The following USP50 variants were observed in gnomAD, a reference collection of about 807,000 sequenced individuals.
USP50 encodes ubiquitin specific peptidase 50, also known as ubiquitin carboxyl-terminal hydrolase 50.
In USP50, 37 loss-of-function variants were observed where a neutral mutation model predicts 39.2. The observed-to-expected ratio is 0.94, with a 90% CI of 0.73 to 1.24. USP50 has a LOEUF of 1.24. Among genes scored for constraint, USP50 ranks in the 50% most tolerant of loss-of-function variants. The pLI is 0.00. For missense variants in USP50, 374 were observed against 398.2 expected (o/e 0.94, Z 0.52); for synonymous variants, 139 against 144.5 (o/e 0.96, Z 0.27).
At chr15:50,496,823 A>G, downstream of USP50, 1 of 298,074 alleles carries the variant, frequency 3.4e-6, no homozygotes, top group Non-Finnish European at 6.1e-6. Flanking sequence ...CATTTCCTCC[A>G]ACAGGGTTTC....
At chr15:50,497,697 C>CCTATAATAGAAGGAATAATGA (rs1390027680), downstream of USP50, 2 of 152,098 alleles carry the variant, frequency 1.3e-5, no homozygotes, top group Admixed American at 1.3e-4. Context: ...AAGATCTAGT[C>CCTATAATAGAAGGAATAATGA]CTATAATAGA....
chr15:50,542,613 C>T (rs369125902), intron 3 of USP50, among the ~76,000 whole-genome samples: 3 of 151,554 alleles, frequency 2.0e-5, no homozygotes, highest in East Asian at 1.9e-4. Context: ...CTCAGCCACC[C>T]GAGTAGCTGG....
chr15:50,508,172 T>C (rs2052689679), intron 6 of USP50: 1 of 137,884 alleles, frequency 7.3e-6, no homozygotes, highest in Non-Finnish European at 1.6e-5. Flanking sequence ...CCACAAAAAA[T>C]CAATACTTTT....
intron 6 of USP50, among the ~76,000 whole-genome samples, chr15:50,522,357 G>A (rs1199437064): frequency 6.6e-6 from 1 of 152,152 alleles, no homozygotes; most frequent in African/African-American, 2.4e-5. Flanking sequence ...CCCAGGAGAA[G>A]GTTGCAGAAT....
chr15:50,521,474 C>T (rs939227453), intron 6 of USP50, among the ~76,000 whole-genome samples: 1 of 152,150 alleles, frequency 6.6e-6, no homozygotes, highest in Non-Finnish European at 1.5e-5. Flanking sequence ...TCTAACATTA[C>T]ATCCCAAGGC....
chr15:50,525,470 G>A (rs12914077), intron 6 of USP50, among the ~76,000 whole-genome samples: 99 of 76,302 alleles, frequency 1.3e-3, no homozygotes, highest in East Asian at 3.4e-3. Context: ...CATTTTGTGT[G>A]TGTGTGTGTG....
intron 6 of USP50, chr15:50,511,635 A>C (rs1049942377): frequency 2.0e-5 from 3 of 152,256 alleles, no homozygotes; most frequent in Non-Finnish European, 4.4e-5. Context: ...ATGAAACTTG[A>C]AAACATTATG....
chr15:50,541,829 TATTA>T (rs2053032080), intron 3 of USP50, among the ~76,000 whole-genome samples: 1 of 152,062 alleles, frequency 6.6e-6, no homozygotes, highest in Non-Finnish European at 1.5e-5. Context: ...AAAGGTAAAA[TATTA>T]AGAAATCCAA....
intron 4 of USP50, 118 bp from the exon 5 acceptor site, chr15:50,538,969 G>T: frequency 8.9e-7 from 1 of 1,117,792 alleles, no homozygotes; most frequent in Non-Finnish European, 1.2e-6. Flanking sequence ...TTTTCTCAAA[G>T]TCAACAAATC....
At chr15:50,496,879 A>C (rs1395277098), downstream of USP50, 2 of 489,442 alleles carry the variant, frequency 4.1e-6, no homozygotes, top group Non-Finnish European at 6.9e-6. Flanking sequence ...GTCACAACAC[A>C]CTGTAGGTAG....
At chr15:50,509,138 A>G (rs1438053594) in intron 6 of USP50, 1 of 136,762 alleles carries the variant, frequency 7.3e-6, no homozygotes, top group Non-Finnish European at 1.6e-5. Context: ...GTCACAAAAA[A>G]AAAAAAAAAA....
chr15:50,539,788 C>A (rs1031475402), intron 4 of USP50, among the ~76,000 whole-genome samples: 1 of 152,138 alleles, frequency 6.6e-6, no homozygotes, highest in Non-Finnish European at 1.5e-5. Flanking sequence ...GATCCGGTGA[C>A]AAAAATGACT....
At chr15:50,525,086 T>C (rs1357593848) in intron 6 of USP50, among the ~76,000 whole-genome samples, 3 of 152,298 alleles carry the variant, frequency 2.0e-5, no homozygotes, top group Non-Finnish European at 4.4e-5. Flanking sequence ...TGGAATACTA[T>C]TCAGCCTTTA....
intron 6 of USP50, among the ~76,000 whole-genome samples, chr15:50,525,625 T>A (rs906831747): frequency 8.0e-6 from 1 of 124,778 alleles, no homozygotes; most frequent in African/African-American, 3.1e-5. Context: ...TATATATGTA[T>A]ATGTATATAT....
At chr15:50,534,692 G>C (rs2052966271) in intron 5 of USP50, among the ~76,000 whole-genome samples, 1 of 152,174 alleles carries the variant, frequency 6.6e-6, no homozygotes, top group South Asian at 2.1e-4. Context: ...CACTAAGAAA[G>C]TGGGAGTAGC....
At chr15:50,539,368 T>C (rs549863875) in intron 4 of USP50, among the ~76,000 whole-genome samples, 36 of 150,888 alleles carry the variant, frequency 2.4e-4, no homozygotes, top group African/African-American at 8.3e-4. Context: ...ACCCAGCCTA[T>C]ACATCAGCAT....
chr15:50,516,205 C>A lies in USP50; in HGVS notation c.936+13592G>T, dbSNP rs746571525. Among the ~76,000 whole-genome samples, 6 of 152,208 alleles carry A rather than the reference C, an allele frequency of 3.9e-5. No individual in the cohort carries two copies. In the South Asian group the frequency reaches 8.3e-4, roughly 21 times the overall value. ...ACCATCAAATCACAAAGGAAGACAGCAAGAGAGGAAGAAACAAAGGCTCTA... is the reference window on the plus strand; with the variant it reads ...ACCATCAAATCACAAAGGAAGACAGAAAGAGAGGAAGAAACAAAGGCTCTA... On this transcript the variant is annotated intron_variant, in intron 6 of 6. Transcript: ENST00000532404.
chr15:50,521,737 T>C (rs2052852450), intron 6 of USP50, among the ~76,000 whole-genome samples: 1 of 151,510 alleles, frequency 6.6e-6, no homozygotes, highest in South Asian at 2.1e-4. Flanking sequence ...CCAAGGCAGG[T>C]GGATCACTTG....
At chr15:50,542,481 A>ATTTTTTTTTTT (rs11292495) in intron 3 of USP50, among the ~76,000 whole-genome samples, 3 of 97,396 alleles carry the variant, frequency 3.1e-5, no homozygotes, top group African/African-American at 4.0e-5. Context: ...TTTCCTTTTC[A>ATTTTTTTTTTT]TTTTTTTTTT....
Sources: allele counts gnomAD v4.1 joint callset (sites outside exome capture counted in the v4.1 genomes callset), GRCh38; gene constraint gnomAD v4.1.1; transcripts MANE v1.5; gene names NCBI Gene and HGNC (gene_info 2026-07-23, HGNC 2026-07-21).